NCALD: variants seen among roughly 807,000 people sequenced by gnomAD.
NCALD encodes the protein neurocalcin-delta.
A neutral mutation model predicts 18.6 loss-of-function variants in NCALD; 10 were observed. The ratio of observed to expected loss-of-function variants is 0.54; its 90% CI spans 0.33 to 0.91. The LOEUF (loss-of-function observed/expected upper bound fraction) is 0.91. Among genes scored for constraint, NCALD ranks in the 40% least tolerant of loss-of-function variants. The pLI is 0.03. For synonymous variants in NCALD, 88 were observed against 87.4 expected, an observed-to-expected ratio of 1.01 and a Z score of -0.04; for missense variants, 184 against 247.6, an observed-to-expected ratio of 0.74 and a Z score of 1.72.
At chr8:101,908,363 G>A (rs1340304678) in intron 3 of NCALD, among the ~76,000 whole-genome samples, 4 of 151,940 alleles carry the variant, frequency 2.6e-5, no homozygotes, top group African/African-American at 7.3e-5. Context: ...TTTTTTTCTC[G>A]TCAAGCAGCA....
At chr8:101,899,991 C>T (rs1397473190) in intron 3 of NCALD, among the ~76,000 whole-genome samples, 1 of 151,880 alleles carries the variant, frequency 6.6e-6, no homozygotes, top group East Asian at 1.9e-4. Flanking sequence ...GAGAAACCAT[C>T]TGGACCTGGA....
chr8:101,842,211 T>C (rs1048944433), intron 4 of NCALD, among the ~76,000 whole-genome samples: 1 of 152,194 alleles, frequency 6.6e-6, no homozygotes, highest in Non-Finnish European at 1.5e-5. Context: ...CCCACCCTAA[T>C]GACCTCATTT....
chr8:102,109,693 T>C (rs563098892), intron 1 of NCALD, among the ~76,000 whole-genome samples: 5 of 152,150 alleles, frequency 3.3e-5, no homozygotes, highest in Admixed American at 6.5e-5. Flanking sequence ...AAGCAAAAAA[T>C]AAAGCAAGTT....
chr8:101,826,189 CT>C lies in NCALD; in HGVS notation c.-20+60951del, dbSNP rs1167738595. ...CAAGATACTGGGGAAGACAGCAAGA[CT>C]TCAGAGAAGAACAGCTTCATAGTCC... is the stretch of plus-strand genomic sequence containing the variant. On this transcript the variant is annotated intron_variant, in intron 4 of 6. Transcript: ENST00000311028. 2.6e-5 allele frequency among the ~76,000 whole-genome samples: 4 copies of C among 152,330 alleles called. No individual in the cohort carries two copies. In the East Asian group the frequency reaches 7.7e-4, roughly 29 times the overall value.
At chr8:101,833,610 G>GTTTTTTTTTTTTTTTTTTTTTTTTT (rs555031298) in intron 4 of NCALD, among the ~76,000 whole-genome samples, 2 of 88,474 alleles carry the variant, frequency 2.3e-5, no homozygotes, top group African/African-American at 8.9e-5. Flanking sequence ...TTTGTTTCTT[G>GTTTTTTTTTTTTTTTTTTTTTTTTT]TTTTTTTTTT....
At chr8:101,766,041 T>C (rs1225412781) in intron 1 of NCALD, among the ~76,000 whole-genome samples, 3 of 152,202 alleles carry the variant, frequency 2.0e-5, no homozygotes, top group Non-Finnish European at 2.9e-5. Flanking sequence ...TCCCACATGC[T>C]CTTTATGGTC....
intron 4 of NCALD, among the ~76,000 whole-genome samples, chr8:101,867,797 T>C (rs1357420684): frequency 6.6e-6 from 1 of 152,162 alleles, no homozygotes; most frequent in East Asian, 1.9e-4. Context: ...TTTTCGGCTT[T>C]GGGTAATTTA....
intron 2 of NCALD, among the ~76,000 whole-genome samples, chr8:101,965,361 A>G (rs1180115438): frequency 1.3e-5 from 2 of 152,234 alleles, no homozygotes; most frequent in Non-Finnish European, 2.9e-5. Context: ...CTTGGAACCA[A>G]CCCAAATGCC....
chr8:101,867,938 G>A (rs1166457344), intron 4 of NCALD, among the ~76,000 whole-genome samples: 1 of 152,190 alleles, frequency 6.6e-6, no homozygotes, highest in African/African-American at 2.4e-5. Flanking sequence ...AGGGCTAAGA[G>A]CCATATCTGG....
chr8:101,779,179 A>G (rs1811914657), intron 1 of NCALD, among the ~76,000 whole-genome samples: 1 of 152,196 alleles, frequency 6.6e-6, no homozygotes, highest in Non-Finnish European at 1.5e-5. Flanking sequence ...AATTAAAAAT[A>G]TGCTCTAGCA....
At chr8:101,796,999 G>A (rs1812662278) in intron 4 of NCALD, among the ~76,000 whole-genome samples, 1 of 152,172 alleles carries the variant, frequency 6.6e-6, no homozygotes. Flanking sequence ...CCTGTGACCT[G>A]GAAGCCCCTC....
chr8:101,838,493 T>G (rs942863363), intron 4 of NCALD, among the ~76,000 whole-genome samples: 1 of 152,250 alleles, frequency 6.6e-6, no homozygotes, highest in Non-Finnish European at 1.5e-5. Context: ...GTGCTGGGAT[T>G]ACAGGCATGA....
chr8:101,775,576 G>A (rs1811759216), intron 1 of NCALD, among the ~76,000 whole-genome samples: 1 of 152,176 alleles, frequency 6.6e-6, no homozygotes, highest in African/African-American at 2.4e-5. Flanking sequence ...GGAGGGCCCT[G>A]TGTTTAGACA....
intron 2 of NCALD, among the ~76,000 whole-genome samples, chr8:101,972,295 C>G (rs1196390126): frequency 6.6e-6 from 1 of 152,172 alleles, no homozygotes; most frequent in Non-Finnish European, 1.5e-5. Flanking sequence ...CAGTTGGACT[C>G]TGGACGGGCC....
At chr8:101,916,848 A>T (rs529922935) in intron 2 of NCALD, among the ~76,000 whole-genome samples, 2 of 152,286 alleles carry the variant, frequency 1.3e-5, no homozygotes, top group South Asian at 4.1e-4. Flanking sequence ...GAGCACCCAG[A>T]TTCATAAAAC....
At chr8:101,895,788 T>C (rs200177122) in intron 3 of NCALD, among the ~76,000 whole-genome samples, 3 of 145,932 alleles carry the variant, frequency 2.1e-5, no homozygotes, top group Non-Finnish European at 4.4e-5. Flanking sequence ...AACAAAATAC[T>C]TAGGAATCCA....
chr8:101,989,916 CAATTGGGT>C (rs1320234648), intron 2 of NCALD, among the ~76,000 whole-genome samples: 1 of 152,204 alleles, frequency 6.6e-6, no homozygotes, highest in African/African-American at 2.4e-5. Flanking sequence ...GATTCTCTGA[CAATTGGGT>C]TTAGGGGGTT....
intron 3 of NCALD, among the ~76,000 whole-genome samples, chr8:101,901,444 T>A (rs1817418451): frequency 6.6e-6 from 1 of 152,230 alleles, no homozygotes; most frequent in South Asian, 2.1e-4. Flanking sequence ...TATTTTGATT[T>A]TCTAGACTTA....
Position 101,718,746 on chromosome 8 carries a change from C to A in NCALD, c.378+506G>T, listed in dbSNP as rs571950079. Among the ~76,000 whole-genome samples the A allele has an allele frequency of 6.6e-5, 10 of 152,288 alleles. No individual in the cohort carries two copies. The South Asian group carries it at 2.1e-3, about 32-fold the overall frequency. On this transcript the variant is annotated intron_variant, in intron 2 of 3. Transcript: ENST00000220931. ...AGTTAATCTGAAAAACATGCTCAGG[C>A]CATGATGGAAGGGGTGTTGGAGATG... is the stretch of plus-strand genomic sequence containing the variant.
Sources: gnomAD v4.1 joint callset for allele counts (sites outside exome capture counted in the v4.1 genomes callset) on GRCh38, gnomAD v4.1.1 for gene constraint, MANE v1.5 for transcripts, NCBI Gene and HGNC (gene_info 2026-07-23, HGNC 2026-07-21) for gene names.